Variants in NAA60 observed in about 807,000 individuals in gnomAD.
The protein encoded by NAA60 is N-alpha-acetyltransferase 60, NatF catalytic subunit.
A neutral mutation model predicts 26.1 loss-of-function variants in NAA60; 8 were observed. The observed-to-expected ratio is 0.31, with a 90% CI of 0.18 to 0.55. NAA60 has a LOEUF of 0.55. Ranked by LOEUF, NAA60 falls within the 20% of genes least tolerant of loss-of-function variation. The pLI is 0.93. For missense variants in NAA60, 290 were observed against 311.3 expected (o/e 0.93, Z 0.51); for synonymous variants, 131 against 122.5 (o/e 1.07, Z -0.46).
chr16:3,453,925 T>C (rs1567364704), intron 2 of NAA60, among the ~76,000 whole-genome samples: 1 of 152,116 alleles, frequency 6.6e-6, no homozygotes, highest in Non-Finnish European at 1.5e-5. Context: ...GGGCCATTGG[T>C]GTCCAGGATC....
Position 3,483,206 on chromosome 16 carries a change from A to AT in NAA60, c.338-153dup, listed in dbSNP as rs1186716232. On this transcript the variant is annotated intron_variant, in intron 5 of 7. Transcript: ENST00000407558. Reference sequence around the variant, plus strand: ...CTACCAGGCTCCATCTGGCCATGAGATTTTAGGGACTTTGACAGTGGTGGT... The same window carrying AT: ...CTACCAGGCTCCATCTGGCCATGAGATTTTTAGGGACTTTGACAGTGGTGGT... 4.4e-6 allele frequency: 3 copies of AT among 675,036 alleles called. No homozygotes were observed. In the African/African-American group the frequency reaches 5.5e-5, roughly 12 times the overall value. 41.8% of individuals were successfully genotyped at this position (675,036 alleles called of 1,614,324 possible).
chr16:3,484,340 G>A (rs1026022540), intron 6 of NAA60, among the ~76,000 whole-genome samples: 1 of 152,186 alleles, frequency 6.6e-6, no homozygotes, highest in Non-Finnish European at 1.5e-5. Flanking sequence ...CATATGGACA[G>A]GGCTCTGTCC....
intron 5 of NAA60, chr16:3,482,961 G>A: frequency 2.1e-6 from 1 of 474,786 alleles, no homozygotes; most frequent in South Asian, 2.5e-5. Context: ...ACACGCACGA[G>A]GAAGCAACAC....
chr16:3,452,492 T>C (rs1350198585), intron 2 of NAA60, among the ~76,000 whole-genome samples: 1 of 145,254 alleles, frequency 6.9e-6, no homozygotes, highest in African/African-American at 2.6e-5. Flanking sequence ...CTATCTCTAC[T>C]AAAAATACAA....
Position 3,476,278 on chromosome 16 carries a change from C to G in NAA60, c.51C>G (p.Leu17=). ...SSALSEVSLR[L]LCHDDIDTVK... Reference sequence around the variant, plus strand: ...CGCTCAGCGAGGTCAGCCTGCGCCTCCTCTGCCACGATGACATAGACACTG... The same window carrying G: ...CGCTCAGCGAGGTCAGCCTGCGCCTGCTCTGCCACGATGACATAGACACTG... The change falls in exon 3 of 8, where the codon CTC becomes CTG. Residue 17 remains leucine (L), a synonymous_variant. Transcript: ENST00000407558. 6.2e-7 allele frequency: 1 copy of G among 1,613,982 alleles called. No individual in the cohort carries two copies. The highest frequency in any genetic ancestry group is 1.1e-5 in the South Asian group (1 of 91,078).
At chr16:3,456,970 T>G (rs2035026003) in intron 2 of NAA60, 1 of 152,168 alleles carries the variant, frequency 6.6e-6, no homozygotes, top group Non-Finnish European at 1.5e-5. Flanking sequence ...TTTTGTATTT[T>G]TAGTAGAGAC....
intron 3 of NAA60, among the ~76,000 whole-genome samples, chr16:3,478,958 A>AGT (rs1343159537): frequency 6.6e-6 from 1 of 152,070 alleles, no homozygotes; most frequent in African/African-American, 2.4e-5. Context: ...TTCCCGGGCC[A>AGT]GGCGCGGTGG....
intron 1 of NAA60, among the ~76,000 whole-genome samples, chr16:3,445,017 T>G (rs992283166): frequency 6.6e-6 from 1 of 152,134 alleles, no homozygotes; most frequent in Non-Finnish European, 1.5e-5. Flanking sequence ...AAATGATATC[T>G]CTTGACAGCT....
rs565028931 is a variant in NAA60 at position 3,478,289 on chromosome 16, A to T, written c.111-1182A>T. Among the ~76,000 whole-genome samples the T allele has an allele frequency of 1.6e-4, 24 of 152,320 alleles. No homozygotes were observed. In the South Asian group the frequency reaches 4.8e-3, roughly 30 times the overall value. On this transcript the variant is annotated intron_variant, in intron 3 of 7. Transcript: ENST00000407558. ...CCCAGCAATTTAACTGCTGGAAACT[A>T]ATCTAGAGAAATAAAAGCTGCAGTG...
intron 1 of NAA60, among the ~76,000 whole-genome samples, chr16:3,444,136 T>C (rs1403651703): frequency 6.6e-6 from 1 of 152,152 alleles, no homozygotes; most frequent in Admixed American, 6.5e-5. Flanking sequence ...CACGCGAGAA[T>C]AGAGCCATAG....
chr16:3,471,298 G>A (rs1314416247), intron 2 of NAA60, among the ~76,000 whole-genome samples: 11 of 152,038 alleles, frequency 7.2e-5, no homozygotes, highest in Admixed American at 1.3e-4. Flanking sequence ...TCAGGAGATC[G>A]AGACCATCCT....
intron 5 of NAA60, 160 bp from the exon 6 acceptor site, chr16:3,483,203 G>T: frequency 1.5e-6 from 1 of 667,892 alleles, no homozygotes; most frequent in Non-Finnish European, 2.6e-6. Flanking sequence ...ATCTGGCCAT[G>T]AGATTTTAGG....
In NAA60 at chr16:3,476,354, G is replaced by A. The variant is rs1341952359; in HGVS notation, c.110+17G>A. 1.2e-6 allele frequency: 2 copies of A among 1,606,952 alleles called. No homozygotes were observed. Among genetic ancestry groups the A allele is most frequent in the Non-Finnish European group, 1.7e-6 (2 of 1,174,450 alleles). On this transcript the variant is annotated intron_variant, in intron 3 of 7. Coordinates refer to ENST00000407558, the MANE Select transcript of NAA60 (RefSeq NM_001083601.3). ...CCCCATCGAGTAAGTGGAGCGGATT[G>A]CAGGGTTGGGGAGAGCCCGTGAGCC... is the stretch of plus-strand genomic sequence containing the variant.
chr16:3,483,914 C>T (rs1417755485), intron 6 of NAA60: 1 of 375,548 alleles, frequency 2.7e-6, no homozygotes. Context: ...GCTCCACTTG[C>T]ACTGGGGATC....
chr16:3,468,574 A>T (rs890959654), intron 2 of NAA60, among the ~76,000 whole-genome samples: 46 of 152,216 alleles, frequency 3.0e-4, no homozygotes, highest in African/African-American at 1.1e-3. Context: ...CAGGCAGCTC[A>T]GGAGCACGGA....
rs777891431 is a variant in NAA60 at position 3,484,730 on chromosome 16, G to C, written c.604G>C (p.Ala202Pro). 1 of 1,595,298 alleles carries C rather than the reference G, an allele frequency of 6.3e-7. No homozygotes were observed. Among genetic ancestry groups the C allele is most frequent in the Non-Finnish European group, 8.5e-7 (1 of 1,171,868 alleles). ...DYIQHLGSAL[A>P]SLSPCSIPHR... ...CATCCAGCACCTGGGCTCTGCACTA[G>C]CCAGCCTGAGCCCCTGCTCCATTCC... Residue 202 changes from alanine (A) to proline (P), a missense_variant, in exon 7 of 8, where the codon GCC becomes CCC. Transcript: ENST00000407558.
At chr16:3,468,367 G>A (rs915525639) in intron 2 of NAA60, among the ~76,000 whole-genome samples, 2 of 152,180 alleles carry the variant, frequency 1.3e-5, no homozygotes, top group Non-Finnish European at 2.9e-5. Context: ...GTTCTAAGAA[G>A]TCAGCATGAA....
intron 2 of NAA60, chr16:3,450,012 C>G (rs1256098532): frequency 2.5e-6 from 1 of 392,174 alleles, no homozygotes; most frequent in Non-Finnish European, 4.5e-6. Context: ...AGTGTGAAAA[C>G]AGACTAATAC....
chr16:3,479,737 G>A (rs1026594580), intron 4 of NAA60, 137 bp downstream of exon 4: 5 of 951,976 alleles, frequency 5.3e-6, no homozygotes, highest in African/African-American at 5.0e-5. Flanking sequence ...AGTGGCCAAC[G>A]ACACTTGTCC....
Sources: gnomAD v4.1 joint callset for allele counts (sites outside exome capture counted in the v4.1 genomes callset) on GRCh38, gnomAD v4.1.1 for gene constraint, MANE v1.5 for transcripts, NCBI Gene and HGNC (gene_info 2026-07-23, HGNC 2026-07-21) for gene names.